The following DLC1 variants were observed in gnomAD, a reference collection of about 807,000 sequenced individuals.
The protein encoded by DLC1 is rho GTPase-activating protein 7.
Under a neutral mutation model 140.3 loss-of-function variants are expected in DLC1, and 54 were observed. The observed-to-expected ratio is 0.38, with a 90% confidence interval of 0.31 to 0.48. The LOEUF (loss-of-function observed/expected upper bound fraction) is 0.48, where lower values mean the gene tolerates loss of function less well. Ranked by LOEUF, DLC1 falls within the 20% of genes least tolerant of loss-of-function variation. DLC1 has a pLI of 0.96. For missense variants in DLC1, 2,536 were observed against 1,907.0 expected (o/e 1.33, Z -6.14); for synonymous variants, 986 against 728.1 (o/e 1.35, Z -5.70).
chr8:13,415,109 G>T (rs1240441768), intron 2 of DLC1, among the ~76,000 whole-genome samples: 4 of 152,014 alleles, frequency 2.6e-5, no homozygotes, highest in African/African-American at 9.7e-5. Context: ...ACTGCGCCTG[G>T]CCCACGATGT....
At chr8:13,425,937 T>C (rs566097757) in intron 2 of DLC1, among the ~76,000 whole-genome samples, 1 of 152,222 alleles carries the variant, frequency 6.6e-6, no homozygotes, top group Non-Finnish European at 1.5e-5. Flanking sequence ...CTCAGCCTCC[T>C]GAGTAGGTGG....
At chr8:13,539,349 G>A (rs1307485439) in intron 1 of DLC1, among the ~76,000 whole-genome samples, 2 of 152,140 alleles carry the variant, frequency 1.3e-5, no homozygotes, top group South Asian at 2.1e-4. Flanking sequence ...ACAGGTGCAC[G>A]CCACCACACC....
At chr8:13,466,078 C>T (rs1029612355) in intron 2 of DLC1, among the ~76,000 whole-genome samples, 9 of 152,182 alleles carry the variant, frequency 5.9e-5, no homozygotes, top group Admixed American at 6.5e-5. Flanking sequence ...ATAGACGGGG[C>T]AGATATACTG....
chr8:13,286,855 T>C (rs1347281989), intron 5 of DLC1, among the ~76,000 whole-genome samples: 1 of 151,820 alleles, frequency 6.6e-6, no homozygotes, highest in East Asian at 1.9e-4. Context: ...AAAAATAGAA[T>C]TGTAGGAGAT....
At chr8:13,293,143 T>C (rs1038313258) in intron 5 of DLC1, among the ~76,000 whole-genome samples, 3 of 152,198 alleles carry the variant, frequency 2.0e-5, no homozygotes, top group Non-Finnish European at 2.9e-5. Flanking sequence ...GGCGGGAAGA[T>C]TGCTTAAGCC....
rs1032427267 is a variant in DLC1 at position 13,355,408 on chromosome 8, A to T, written c.1314+38145T>A. ...AGGCTGCCATGACAAAATAACAAGC[A>T]CTACGTGACTAAAACAACAGAAATT... is the stretch of plus-strand genomic sequence containing the variant. On this transcript the variant is annotated intron_variant, in intron 4 of 17. Transcript: ENST00000276297. 2.6e-5 allele frequency among the ~76,000 whole-genome samples: 4 copies of T among 152,164 alleles called. No individual in the cohort carries two copies. The East Asian group carries it at 7.7e-4, about 29-fold the overall frequency.
chr8:13,439,365 T>G (rs1004277684), intron 2 of DLC1, among the ~76,000 whole-genome samples: 8 of 152,076 alleles, frequency 5.3e-5, no homozygotes, highest in Admixed American at 1.3e-4. Flanking sequence ...GAGGGTCGAT[T>G]TGGCCCACAG....
At chr8:13,127,469 C>T (rs951998748) in intron 5 of DLC1, among the ~76,000 whole-genome samples, 1 of 152,196 alleles carries the variant, frequency 6.6e-6, no homozygotes, top group South Asian at 2.1e-4. Flanking sequence ...CATAAAATGC[C>T]CTTTCTGTGC....
chr8:13,471,968 C>G (rs1158350733), intron 2 of DLC1, among the ~76,000 whole-genome samples: 1 of 152,208 alleles, frequency 6.6e-6, no homozygotes, highest in Admixed American at 6.5e-5. Flanking sequence ...AGTTTCTGAG[C>G]TAACACCCTT....
chr8:13,317,919 T>C (rs1832921526), intron 4 of DLC1, among the ~76,000 whole-genome samples: 1 of 152,166 alleles, frequency 6.6e-6, no homozygotes, highest in Non-Finnish European at 1.5e-5. Flanking sequence ...CATGGGGGAA[T>C]AGGCAACACT....
intron 2 of DLC1, among the ~76,000 whole-genome samples, chr8:13,482,388 G>A (rs935076220): frequency 6.7e-6 from 1 of 148,294 alleles, no homozygotes; most frequent in African/African-American, 2.5e-5. Flanking sequence ...CTTTTGCCAT[G>A]TGCATGTATC....
intron 4 of DLC1, among the ~76,000 whole-genome samples, chr8:13,305,799 C>T (rs1832393981): frequency 1.3e-5 from 2 of 152,220 alleles, no homozygotes; most frequent in African/African-American, 4.8e-5. Flanking sequence ...GATCGTGCTA[C>T]AGACTCCAGC....
chr8:13,317,251 A>T (rs1353900955), intron 4 of DLC1, among the ~76,000 whole-genome samples: 2 of 152,244 alleles, frequency 1.3e-5, no homozygotes, highest in Non-Finnish European at 2.9e-5. Context: ...GTTTGTAAAC[A>T]TAGATGGGAG....
At chr8:13,468,339 T>TTCGCC (rs1800041770) in intron 2 of DLC1, among the ~76,000 whole-genome samples, 1 of 59,894 alleles carries the variant, frequency 1.7e-5, no homozygotes, top group Non-Finnish European at 3.6e-5. Context: ...CTTCCCCCCA[T>TTCGCC]TCCCCTCCCC....
chr8:13,194,230 C>T (rs184482328), intron 5 of DLC1, among the ~76,000 whole-genome samples: 89 of 152,348 alleles, frequency 5.8e-4, no homozygotes, highest in Middle Eastern at 3.4e-3. Flanking sequence ...TCACCATCCT[C>T]AGGAAACTGA....
upstream of DLC1, among the ~76,000 whole-genome samples, chr8:13,518,038 G>T (rs1802646240): frequency 6.6e-6 from 1 of 152,104 alleles, no homozygotes; most frequent in Non-Finnish European, 1.5e-5. Flanking sequence ...GAACAATTAT[G>T]TACTCTGTGG....
rs199671714 is a variant in DLC1, at chr8:13,467,437, G to A, written c.1023+31612C>T. On this transcript the variant is annotated intron_variant, in intron 2 of 17. Transcript: ENST00000276297. The stretch of plus-strand genomic sequence containing the variant: ...AATTTGTTAGGTTAAGGTAGTTCTA[G>A]TCTCTTCTTATATTCCTTTTTTTTT... 4.3e-4 allele frequency among the ~76,000 whole-genome samples: 60 copies of A among 138,456 alleles called. 1 individual carries two copies. The East Asian group carries it at 0.013, about 30-fold the overall frequency. The allele number at this position is 138,456 out of a possible 152,430, so 90.8% of individuals were successfully genotyped here. A position where few individuals can be genotyped will look rare whatever the true frequency, so the allele number is the denominator to read the frequency against.
intron 5 of DLC1, among the ~76,000 whole-genome samples, chr8:13,198,232 CA>C (rs1371734041): frequency 6.6e-6 from 1 of 152,100 alleles, no homozygotes; most frequent in Non-Finnish European, 1.5e-5. Context: ...TGTGATAAGG[CA>C]AAATGTGTGT....
intron 5 of DLC1, among the ~76,000 whole-genome samples, chr8:13,295,267 C>A (rs542417721): frequency 1.3e-4 from 20 of 151,928 alleles, no homozygotes; most frequent in Admixed American, 2.6e-4. Flanking sequence ...GTGTGAGTCA[C>A]AGAAACGTGG....
Sources: gnomAD v4.1 joint callset for allele counts (sites outside exome capture counted in the v4.1 genomes callset) on GRCh38, gnomAD v4.1.1 for gene constraint, MANE v1.5 for transcripts, NCBI Gene and HGNC (gene_info 2026-07-23, HGNC 2026-07-21) for gene names.